Variants in HMCN1 observed in about 807,000 individuals in gnomAD.
HMCN1 encodes hemicentin-1.
A neutral mutation model predicts 625.9 loss-of-function variants in HMCN1; 321 were observed. That is an observed-to-expected ratio of 0.51 (90% CI 0.47 to 0.56). The LOEUF is 0.56. HMCN1 is among the 20% of genes least tolerant of loss of function. HMCN1 has a pLI of 0.00. For synonymous variants in HMCN1, 2,425 were observed against 2,417.6 expected (o/e 1.00, Z -0.09); for missense variants, 6,588 against 6,887.3 (o/e 0.96, Z 1.54).
intron 4 of HMCN1, among the ~76,000 whole-genome samples, chr1:185,887,113 T>C (rs545083943): frequency 3.3e-5 from 5 of 152,236 alleles, no homozygotes; most frequent in African/African-American, 1.2e-4. Context: ...CTTTTGTCCC[T>C]CTTAGTATAT....
chr1:186,131,104 T>G (rs1244788203), intron 85 of HMCN1, among the ~76,000 whole-genome samples: 6 of 152,196 alleles, frequency 3.9e-5, no homozygotes, highest in Non-Finnish European at 8.8e-5. Flanking sequence ...ATTATTCTAG[T>G]TTTGGGGTCA....
intron 57 of HMCN1, among the ~76,000 whole-genome samples, 166 bp from the exon 58 acceptor site, chr1:186,086,080 G>A (rs1052116806): frequency 2.0e-5 from 3 of 152,082 alleles, no homozygotes; most frequent in Non-Finnish European, 4.4e-5. Context: ...AAACTCCAAC[G>A]TGAGTTTGAT....
chr1:185,999,805 A>C (rs1653052720), intron 25 of HMCN1, among the ~76,000 whole-genome samples: 1 of 152,120 alleles, frequency 6.6e-6, no homozygotes, highest in African/African-American at 2.4e-5. Flanking sequence ...CTGAATGTTT[A>C]GATAAAAACA....
intron 30 of HMCN1, among the ~76,000 whole-genome samples, chr1:186,009,295 G>T (rs1287241387): frequency 2.0e-5 from 3 of 152,048 alleles, no homozygotes; most frequent in East Asian, 1.9e-4. Context: ...ATGCCCCCAG[G>T]CACCCAGAAA....
At chr1:186,188,109 G>C (rs1388048183) in intron 106 of HMCN1, 100 bp downstream of exon 106, 1 of 1,373,620 alleles carries the variant, frequency 7.3e-7, no homozygotes, top group East Asian at 2.3e-5. Flanking sequence ...TAACTCACAG[G>C]AAGTCACTAA....
At chr1:186,139,185 T>C (rs1379418233) in intron 89 of HMCN1, among the ~76,000 whole-genome samples, 6 of 152,222 alleles carry the variant, frequency 3.9e-5, no homozygotes, top group African/African-American at 1.2e-4. Flanking sequence ...AGTAATTCAC[T>C]AAGGATAGAC....
At chr1:186,149,062 A>G (rs1035821754) in intron 93 of HMCN1, among the ~76,000 whole-genome samples, 1 of 152,116 alleles carries the variant, frequency 6.6e-6, no homozygotes, top group Non-Finnish European at 1.5e-5. Flanking sequence ...GCACAGAGGC[A>G]GAGTAGATTT....
chr1:185,939,851 C>T (rs192409077), intron 11 of HMCN1, among the ~76,000 whole-genome samples: 1 of 152,038 alleles, frequency 6.6e-6, no homozygotes, highest in Admixed American at 6.6e-5. Flanking sequence ...AAAAGAAAAG[C>T]AACAGCACTT....
rs79035172 is a variant in HMCN1, at chr1:185,766,760, T to C, written c.268+31713T>C. ...CTCCGAGAATTCCCAAATAGTTCCATGAATAACTTGGGCAAATCACGGTCA... is the reference window on the plus strand; with the variant it reads ...CTCCGAGAATTCCCAAATAGTTCCACGAATAACTTGGGCAAATCACGGTCA... On this transcript the variant is annotated intron_variant, in intron 1 of 106. Transcript: ENST00000271588. 7.5e-3 allele frequency among the ~76,000 whole-genome samples: 1,138 copies of C among 151,892 alleles called. 13 individuals carry two copies. The highest frequency in any genetic ancestry group is 0.026 in the African/African-American group (1,068 of 41,418).
chr1:185,738,863 CT>C (rs370506671), intron 1 of HMCN1, among the ~76,000 whole-genome samples: 4 of 152,136 alleles, frequency 2.6e-5, no homozygotes, highest in Admixed American at 2.6e-4. Flanking sequence ...CATACAACTT[CT>C]TTTTTTCCTT....
At chr1:185,777,675 C>T (rs1656715908) in intron 1 of HMCN1, among the ~76,000 whole-genome samples, 1 of 152,186 alleles carries the variant, frequency 6.6e-6, no homozygotes, top group Non-Finnish European at 1.5e-5. Context: ...TGGTCTCGAT[C>T]TCTCGACCTG....
rs1453063616 is a variant in HMCN1 at position 186,095,116 on chromosome 1, A to C, written c.10295-127A>C. 3.3e-6 allele frequency: 3 copies of C among 902,396 alleles called. No homozygotes were observed. In the African/African-American group the frequency reaches 5.0e-5, roughly 15 times the overall value. 55.9% of individuals were successfully genotyped at this position (902,396 alleles called of 1,614,324 possible). A position where few individuals can be genotyped will look rare whatever the true frequency, so the allele number is the denominator to read the frequency against. Reference sequence around the variant, plus strand: ...TTATTGTAAAGTCCTTAGTTATTATACACAATTTTAAAGTATATATTTTTA... The same window carrying C: ...TTATTGTAAAGTCCTTAGTTATTATCCACAATTTTAAAGTATATATTTTTA... On this transcript the variant is annotated intron_variant, in intron 67 of 106. Transcript: ENST00000271588.
intron 99 of HMCN1, 45 bp downstream of exon 99, chr1:186,166,348 T>A (rs1381447398): frequency 3.7e-6 from 6 of 1,610,756 alleles, no homozygotes; most frequent in Non-Finnish European, 5.1e-6. Flanking sequence ...GGGTCAAGGA[T>A]TTCTTTGACC....
At chr1:186,092,866 A>T (rs911614399) in intron 64 of HMCN1, among the ~76,000 whole-genome samples, 16 of 152,122 alleles carry the variant, frequency 1.1e-4, no homozygotes, top group Non-Finnish European at 1.6e-4. Context: ...TTTAATTCAA[A>T]CCTTATATGG....
intron 29 of HMCN1, among the ~76,000 whole-genome samples, chr1:186,005,399 T>TAATTGTTTA (rs1558136325): frequency 8.7e-5 from 13 of 149,066 alleles, no homozygotes; most frequent in African/African-American, 2.0e-4. Context: ...AACAAGTTTT[T>TAATTGTTTA]AATTGTTTAT....
intron 36 of HMCN1, among the ~76,000 whole-genome samples, chr1:186,030,563 G>C (rs942059088): frequency 2.6e-5 from 4 of 151,670 alleles, no homozygotes; most frequent in African/African-American, 9.7e-5. Flanking sequence ...TACTTTCAAT[G>C]TATTTGTCTT....
intron 33 of HMCN1, 139 bp downstream of exon 33, chr1:186,017,210 C>T (rs1654423099): frequency 1.5e-6 from 1 of 674,524 alleles, no homozygotes; most frequent in Non-Finnish European, 2.8e-6. Context: ...AAAAGACATG[C>T]TCTATATACA....
At chr1:185,884,248 T>C (rs992585774) in intron 4 of HMCN1, among the ~76,000 whole-genome samples, 4 of 151,916 alleles carry the variant, frequency 2.6e-5, no homozygotes, top group Admixed American at 6.6e-5. Flanking sequence ...AATTTTTAAC[T>C]TATTTATCTC....
chr1:185,911,864 C>T (rs1031041437), intron 6 of HMCN1, 84 bp downstream of exon 6: 1 of 988,418 alleles, frequency 1.0e-6, no homozygotes, highest in East Asian at 2.4e-5. Flanking sequence ...TTTTTTTAAA[C>T]ATACACTCTT....
Sources: gnomAD v4.1 joint callset for allele counts (sites outside exome capture counted in the v4.1 genomes callset) on GRCh38, gnomAD v4.1.1 for gene constraint, MANE v1.5 for transcripts, NCBI Gene and HGNC (gene_info 2026-07-23, HGNC 2026-07-21) for gene names.